Variants in CDH4 observed in about 807,000 individuals in gnomAD.
CDH4 encodes the protein cadherin 4, also known as cadherin-4.
In CDH4, 33 loss-of-function variants were observed where a neutral mutation model predicts 86.0. That is an observed-to-expected ratio of 0.38 (90% CI 0.29 to 0.51). The LOEUF is 0.51. Ranked by LOEUF, CDH4 falls within the 20% of genes least tolerant of loss-of-function variation. The probability of loss-of-function intolerance (pLI) is 0.86; values close to 1 mark genes in which losing one functional copy is unlikely to be tolerated. For synonymous variants in CDH4, 555 were observed against 549.4 expected (o/e 1.01, Z -0.14); for missense variants, 1,114 against 1,307.4 (o/e 0.85, Z 2.28).
chr20:61,257,108 T>C (rs2084102790), intron 2 of CDH4, among the ~76,000 whole-genome samples: 1 of 152,208 alleles, frequency 6.6e-6, no homozygotes, highest in Non-Finnish European at 1.5e-5. Flanking sequence ...TGACTACTTA[T>C]AATTGAGTTA....
chr20:61,822,221 G>A (rs1412766270), intron 4 of CDH4, among the ~76,000 whole-genome samples: 4 of 152,144 alleles, frequency 2.6e-5, no homozygotes, highest in Non-Finnish European at 2.9e-5. Context: ...AAAACATCTC[G>A]ATGCCTAGAA....
intron 2 of CDH4, among the ~76,000 whole-genome samples, chr20:61,341,200 C>G (rs2084647670): frequency 6.6e-6 from 1 of 152,180 alleles, no homozygotes; most frequent in Non-Finnish European, 1.5e-5. Flanking sequence ...TGTGAATTTT[C>G]CCACTATTTT....
At chr20:61,657,885 TGCCG>T (rs1353853998) in intron 2 of CDH4, among the ~76,000 whole-genome samples, 14 of 152,282 alleles carry the variant, frequency 9.2e-5, no homozygotes, top group African/African-American at 3.4e-4. Context: ...TACGTCACGG[TGCCG>T]GGCCTGGGAA....
intron 10 of CDH4, 122 bp downstream of exon 10, chr20:61,923,826 C>G: frequency 7.9e-7 from 1 of 1,266,628 alleles, no homozygotes; most frequent in Non-Finnish European, 1.1e-6. Flanking sequence ...TCGGGGGCAT[C>G]TCCAACCTAA....
chr20:61,329,489 C>T (rs1243163932), intron 2 of CDH4, among the ~76,000 whole-genome samples: 2 of 137,208 alleles, frequency 1.5e-5, no homozygotes, highest in East Asian at 4.3e-4. Flanking sequence ...AGTGGCTCTT[C>T]TGCCCTTGGC....
At chr20:61,295,417 C>T (rs2084346827) in intron 2 of CDH4, among the ~76,000 whole-genome samples, 2 of 152,276 alleles carry the variant, frequency 1.3e-5, no homozygotes, top group African/African-American at 4.8e-5. Flanking sequence ...CAGGGGATTG[C>T]GACATTTGTC....
At chr20:61,369,914 C>A (rs1267668136) in intron 2 of CDH4, 1 of 152,430 alleles carries the variant, frequency 6.6e-6, no homozygotes, top group African/African-American at 2.4e-5. Context: ...TTTCCAGAGT[C>A]CTGGGGACAC....
chr20:61,533,590 C>T (rs2085972555), intron 2 of CDH4, among the ~76,000 whole-genome samples: 1 of 152,234 alleles, frequency 6.6e-6, no homozygotes, highest in Non-Finnish European at 1.5e-5. Context: ...CTTCCTCTGC[C>T]CATGAGGGGC....
chr20:61,320,889 G>A (rs528007670), intron 2 of CDH4, among the ~76,000 whole-genome samples: 1 of 152,192 alleles, frequency 6.6e-6, no homozygotes, highest in Non-Finnish European at 1.5e-5. Context: ...AAGACAGTAT[G>A]TGGGCAGGGC....
intron 6 of CDH4, 128 bp from the exon 7 acceptor site, chr20:61,873,600 G>A: frequency 2.1e-6 from 2 of 947,686 alleles, no homozygotes; most frequent in Non-Finnish European, 3.2e-6. Flanking sequence ...AACACGCCGA[G>A]AGGAAGGGGG....
chr20:61,701,872 G>C (rs2145886328), intron 2 of CDH4, among the ~76,000 whole-genome samples: 1 of 152,342 alleles, frequency 6.6e-6, no homozygotes, highest in East Asian at 1.9e-4. Context: ...AAAAAAGACT[G>C]CTTTCGAGTG....
rs762448355 is a variant in CDH4 at position 61,923,724 on chromosome 20, CT to C, written c.1628+21del. On this transcript the variant is annotated intron_variant, in intron 10 of 15. Coordinates refer to ENST00000614565, the MANE Select transcript of CDH4 (RefSeq NM_001794.5). ...TGTGAGGTGGGTGCACAGGACATGC[CT>C]CGTCCCTGCCTGCAGCTTCCCAGGT... 3 of 1,608,812 alleles carry C rather than the reference CT, an allele frequency of 1.9e-6. No individual in the cohort carries two copies. The highest frequency in any genetic ancestry group is 2.2e-5 in the South Asian group (2 of 91,028).
intron 2 of CDH4, among the ~76,000 whole-genome samples, chr20:61,696,108 G>C (rs1023063475): frequency 6.6e-6 from 1 of 152,234 alleles, no homozygotes; most frequent in Admixed American, 6.5e-5. Context: ...TCAGCACAGA[G>C]ACAGATCTAA....
chr20:61,826,793 G>A (rs6061850), intron 4 of CDH4, among the ~76,000 whole-genome samples: 1,746 of 152,270 alleles, frequency 0.011, 29 homozygotes, highest in African/African-American at 0.039. Flanking sequence ...CTCACCTGGT[G>A]GCCTCATGGC....
chr20:61,552,693 C>G (rs192070455), intron 2 of CDH4, among the ~76,000 whole-genome samples: 15 of 152,042 alleles, frequency 9.9e-5, no homozygotes, highest in African/African-American at 3.6e-4. Context: ...GAGTGAGACT[C>G]CATCTCAAAA....
At chr20:61,745,728 C>T (rs183821751) in intron 3 of CDH4, among the ~76,000 whole-genome samples, 9 of 151,946 alleles carry the variant, frequency 5.9e-5, no homozygotes, top group South Asian at 2.1e-4. Flanking sequence ...TGAGCTGTGC[C>T]GGGACACTGA....
At chr20:61,785,671 G>A (rs1239656196) in intron 4 of CDH4, among the ~76,000 whole-genome samples, 4 of 152,174 alleles carry the variant, frequency 2.6e-5, no homozygotes, top group African/African-American at 7.2e-5. Flanking sequence ...CCACCCAGGT[G>A]TGCAGGGCTC....
intron 2 of CDH4, among the ~76,000 whole-genome samples, chr20:61,495,361 G>A (rs1245012114): frequency 6.6e-6 from 1 of 152,174 alleles, no homozygotes; most frequent in East Asian, 1.9e-4. Context: ...AGCTGTGGGA[G>A]GGAGTCCAGC....
At chr20:61,915,599 C>T (rs1051477091) in intron 9 of CDH4, among the ~76,000 whole-genome samples, 2 of 152,206 alleles carry the variant, frequency 1.3e-5, no homozygotes, top group Admixed American at 6.5e-5. Context: ...ATGTGACACG[C>T]GATGGGTCTC....
Sources: allele counts gnomAD v4.1 joint callset (sites outside exome capture counted in the v4.1 genomes callset), GRCh38; gene constraint gnomAD v4.1.1; transcripts MANE v1.5; gene names NCBI Gene and HGNC (gene_info 2026-07-23, HGNC 2026-07-21).